Variants in MRGPRX3 observed in about 807,000 individuals in gnomAD.
The protein encoded by MRGPRX3 is mas-related G protein-coupled receptor member X3.
A neutral mutation model predicts 16.5 loss-of-function variants in MRGPRX3; 14 were observed. The ratio of observed to expected loss-of-function variants is 0.85; its 90% confidence interval spans 0.56 to 1.33. The LOEUF (loss-of-function observed/expected upper bound fraction) is 1.33, where lower values mean the gene tolerates loss of function less well. MRGPRX3 is among the 40% of genes most tolerant of loss of function. The pLI is 0.00. For synonymous variants in MRGPRX3, 199 were observed against 180.1 expected (o/e 1.10, Z -0.84); for missense variants, 449 against 413.0 (o/e 1.09, Z -0.76).
rs577847606 is a variant in MRGPRX3, at chr11:18,138,212, T to C, written c.*41T>C. On this transcript the variant is annotated 3_prime_UTR_variant, in exon 2 of 2. Coordinates refer to ENST00000621697, the MANE Select transcript of MRGPRX3 (RefSeq NM_001370464.1). ...CTGTCAGACAGGACTTTGAGAGCAATGCTGCCCTGCCACCCTTGACAATTA... is the reference window on the plus strand; with the variant it reads ...CTGTCAGACAGGACTTTGAGAGCAACGCTGCCCTGCCACCCTTGACAATTA... 78 of 1,547,514 alleles carry C rather than the reference T, an allele frequency of 5.0e-5. No individual in the cohort carries two copies. The South Asian group carries it at 5.8e-4, about 11-fold the overall frequency.
At chr11:18,121,317 G>A (rs1263215998) in intron 1 of MRGPRX3, among the ~76,000 whole-genome samples, 5 of 151,838 alleles carry the variant, frequency 3.3e-5, no homozygotes, top group South Asian at 2.1e-4. Context: ...CGCCCTGTCC[G>A]GGAGGGAGGT....
At position 18,137,503 on chromosome 11, in the gene MRGPRX3, G is replaced by C. The variant is rs778800349; in HGVS notation, c.301G>C (p.Val101Leu). 1 of 1,614,004 alleles carries C rather than the reference G, an allele frequency of 6.2e-7. No homozygotes were observed. The highest frequency in any genetic ancestry group is 1.6e-4 in the Middle Eastern group (1 of 6,084). ...RHPISKILSP[V>L]MTFPYFIGLS... ...TCCCATCTCCAAAATCCTCAGTCCT[G>C]TGATGACCTTTCCCTACTTTATAGG... is the stretch of plus-strand genomic sequence containing the variant. Residue 101 changes from valine to leucine, a missense_variant, in exon 2 of 2, where the codon GTG becomes CTG. Coordinates refer to ENST00000621697, the MANE Select transcript of MRGPRX3 (RefSeq NM_001370464.1).
chr11:18,135,159 A>G (rs1424300438), intron 1 of MRGPRX3, among the ~76,000 whole-genome samples: 1 of 152,320 alleles, frequency 6.6e-6, no homozygotes, highest in Non-Finnish European at 1.5e-5. Flanking sequence ...CCTTAGCTTC[A>G]TCTTATGTTA....
chr11:18,127,714 G>A (rs576843190), upstream of MRGPRX3, among the ~76,000 whole-genome samples: 102 of 152,230 alleles, frequency 6.7e-4, 1 homozygote, highest in Middle Eastern at 6.8e-3. Flanking sequence ...CCATGGGTTC[G>A]AACTTCTTCC....
At chr11:18,122,210 TTTATTA>T (rs1430032278) in intron 1 of MRGPRX3, among the ~76,000 whole-genome samples, 1 of 152,186 alleles carries the variant, frequency 6.6e-6, no homozygotes, top group Non-Finnish European at 1.5e-5. Flanking sequence ...AGACTTTTTT[TTTATTA>T]TTATACTTTA....
chr11:18,137,984 C>T lies in MRGPRX3; in HGVS notation c.782C>T (p.Ser261Phe). The T allele has an allele frequency of 6.2e-7, 1 of 1,614,132 alleles. No homozygotes were observed. The highest frequency in any genetic ancestry group is 8.5e-7 in the Non-Finnish European group (1 of 1,180,022). The change falls in exon 2 of 2, where the codon TCC (serine) becomes TTC (phenylalanine). Residue 261 changes from serine to phenylalanine, a missense_variant. Coordinates refer to ENST00000621697, the MANE Select transcript of MRGPRX3 (RefSeq NM_001370464.1). ...GTGCATCTAGTTTCCATTTTCCTGT[C>T]CGCTCTTAACAGCAGTGCCAACCCC... ...CHVHLVSIFL[S>F]ALNSSANPII... is the part of the protein sequence containing the mutation.
rs1849033615 is a variant in MRGPRX3 at position 18,138,186 on chromosome 11, C to A, written c.*15C>A. On this transcript the variant is annotated 3_prime_UTR_variant, in exon 2 of 2. Coordinates refer to ENST00000621697, the MANE Select transcript of MRGPRX3 (RefSeq NM_001370464.1). ...TGGAGCAGTGAGGAAGAACCTCTGC[C>A]CTGTCAGACAGGACTTTGAGAGCAA... The A allele has an allele frequency of 1.9e-6, 3 of 1,585,822 alleles. No homozygotes were observed. The highest frequency in any genetic ancestry group is 1.7e-6 in the Non-Finnish European group (2 of 1,166,610).
At position 18,132,723 on chromosome 11, in the gene MRGPRX3, A is replaced by G. The variant is rs1416001664; in HGVS notation, c.-42A>G. 1.3e-5 allele frequency: 2 copies of G among 152,262 alleles called. No individual in the cohort carries two copies. Among genetic ancestry groups the G allele is most frequent in the Non-Finnish European group, 2.9e-5 (2 of 68,056 alleles). 9.4% of individuals were successfully genotyped at this position (152,262 alleles called of 1,614,324 possible). A position where few individuals can be genotyped will look rare whatever the true frequency, so the allele number is the denominator to read the frequency against. ...CAAGGGAGGTCTTCACCACTGGACA[A>G]AGAAGGAACGATAAGGGTAAGTACC... On this transcript the variant is annotated 5_prime_UTR_variant, in exon 1 of 2. Transcript: ENST00000621697.
Position 18,137,888 on chromosome 11 carries a change from G to C in MRGPRX3, c.686G>C (p.Gly229Ala), listed in dbSNP as rs1849029239. The C allele has an allele frequency of 6.8e-6, 11 of 1,614,176 alleles. No individual in the cohort carries two copies. Among genetic ancestry groups the C allele is most frequent in the East Asian group, 2.2e-5 (1 of 44,886 alleles). ...LLTVLVFLLC[G>A]LPFGIQWALF... ...ACAGTGCTGGTCTTCCTCCTCTGTG[G>C]CCTGCCCTTTGGCATTCAGTGGGCC... The change falls in exon 2 of 2, where the codon GGC becomes GCC. Residue 229 changes from glycine (G) to alanine (A), a missense_variant. By Grantham distance (60) the Gly-to-Ala change is moderately conservative (BLOSUM62 0). Transcript: ENST00000621697.
In MRGPRX3 at chr11:18,137,707, A is replaced by C. The variant is rs4274188; in HGVS notation, c.505A>C (p.Asn169His). The change falls in exon 2 of 2, where the codon AAT becomes CAT. Residue 169 changes from asparagine to histidine, a missense_variant. Asn to His is a moderately conservative substitution (Grantham distance 68). Transcript: ENST00000621697. ...MFCDFLFSGA[N>H]SVWCETSDFI... ...CTGTGACTTCCTGTTTAGTGGTGCT[A>C]ATTCTGTTTGGTGTGAAACGTCAGA... The C allele has an allele frequency of 1.9e-6, 3 of 1,613,710 alleles. No individual in the cohort carries two copies. In the African/African-American group the frequency reaches 4.0e-5, roughly 22 times the overall value.
chr11:18,137,616 G>C lies in MRGPRX3; in HGVS notation c.414G>C (p.Leu138=). 6.2e-7 allele frequency: 1 copy of C among 1,613,904 alleles called. No individual in the cohort carries two copies. Among genetic ancestry groups the C allele is most frequent in the Non-Finnish European group, 8.5e-7 (1 of 1,180,004 alleles). Reference sequence around the variant, plus strand: ...ACCACTGCCGCCGCCCCAGATACCTGTCATCAGTCATGTGTGTCCTGCTCT... The same window carrying C: ...ACCACTGCCGCCGCCCCAGATACCTCTCATCAGTCATGTGTGTCCTGCTCT... The part of the protein sequence containing the change: ...IWYHCRRPRY[L]SSVMCVLLWA... Residue 138 remains leucine (L), a synonymous_variant, in exon 2 of 2, where the codon CTG becomes CTC. Transcript: ENST00000621697.
intron 1 of MRGPRX3, among the ~76,000 whole-genome samples, chr11:18,125,369 A>C (rs1848882891): frequency 6.6e-6 from 1 of 152,124 alleles, no homozygotes; most frequent in Admixed American, 6.5e-5. Flanking sequence ...GGTGTGTCCC[A>C]GAGATTCTGG....
At chr11:18,123,145 T>C (rs1564878894) in intron 1 of MRGPRX3, among the ~76,000 whole-genome samples, 4 of 152,348 alleles carry the variant, frequency 2.6e-5, no homozygotes, top group South Asian at 4.1e-4. Flanking sequence ...GTTGCCTGTT[T>C]GCTCTGATGG....
chr11:18,121,333 T>TCAGCCCCCCGCCTGGC (rs1478262250), intron 1 of MRGPRX3, among the ~76,000 whole-genome samples: 1 of 147,868 alleles, frequency 6.8e-6, no homozygotes, highest in Non-Finnish European at 1.5e-5. Context: ...GAGGTGGGGG[T>TCAGCCCCCCGCCTGGC]CAGCCCCCCG....
chr11:18,129,986 A>G (rs961449999), upstream of MRGPRX3, among the ~76,000 whole-genome samples: 1 of 152,224 alleles, frequency 6.6e-6, no homozygotes, highest in Non-Finnish European at 1.5e-5. Flanking sequence ...ACATTTCTTT[A>G]TGATTAAAAC....
In MRGPRX3 at chr11:18,137,873, T is replaced by G; in HGVS notation, c.671T>G (p.Val224Gly). ...GTGACCATCCTCCTCACAGTGCTGGTCTTCCTCCTCTGTGGCCTGCCCTTT... is the reference window on the plus strand; with the variant it reads ...GTGACCATCCTCCTCACAGTGCTGGGCTTCCTCCTCTGTGGCCTGCCCTTT... ...LYVTILLTVL[V>G]FLLCGLPFGI... The change falls in exon 2 of 2, where the codon GTC becomes GGC. Residue 224 changes from valine (V) to glycine (G), a missense_variant. Transcript: ENST00000621697. The G allele has an allele frequency of 6.2e-7, 1 of 1,614,222 alleles. No individual in the cohort carries two copies. The highest frequency in any genetic ancestry group is 8.5e-7 in the Non-Finnish European group (1 of 1,180,038).
chr11:18,136,344 A>G (rs1337750200), intron 1 of MRGPRX3, among the ~76,000 whole-genome samples: 1 of 152,146 alleles, frequency 6.6e-6, no homozygotes, highest in East Asian at 1.9e-4. Flanking sequence ...AAATGCTTCT[A>G]GGGGTTCGGC....
At chr11:18,122,036 A>AG (rs1305244265) in intron 1 of MRGPRX3, among the ~76,000 whole-genome samples, 1 of 151,180 alleles carries the variant, frequency 6.6e-6, no homozygotes, top group Non-Finnish European at 1.5e-5. Context: ...AGAAAAAAAA[A>AG]AAAGAAAAAT....
chr11:18,137,079 C>T, intron 1 of MRGPRX3, 99 bp from the exon 2 acceptor site: 1 of 1,258,464 alleles, frequency 7.9e-7, no homozygotes, highest in Non-Finnish European at 1.1e-6. Flanking sequence ...AGTCTCTGAT[C>T]TCTCCTCTTT....
Sources: gnomAD v4.1 joint callset for allele counts (sites outside exome capture counted in the v4.1 genomes callset) on GRCh38, gnomAD v4.1.1 for gene constraint, MANE v1.5 for transcripts, NCBI Gene and HGNC (gene_info 2026-07-23, HGNC 2026-07-21) for gene names.